Variants in SDK2 observed in about 807,000 individuals in gnomAD.
The protein encoded by SDK2 is protein sidekick-2.
A neutral mutation model predicts 253.9 loss-of-function variants in SDK2; 105 were observed. That is an observed-to-expected ratio of 0.41 (90% confidence interval 0.35 to 0.49). SDK2 has a LOEUF of 0.49. SDK2 is among the 20% of genes least tolerant of loss of function. The pLI is 0.06. For synonymous variants in SDK2, 1,249 were observed against 1,234.9 expected (o/e 1.01, Z -0.24); for missense variants, 2,608 against 3,003.0 (o/e 0.87, Z 3.07).
intron 15 of SDK2, 96 bp downstream of exon 15, chr17:73,422,191 G>T: frequency 7.2e-7 from 1 of 1,397,246 alleles, no homozygotes; most frequent in Non-Finnish European, 9.8e-7. Context: ...GAGGGGGCCA[G>T]GAGGAGCTGA....
intron 1 of SDK2, among the ~76,000 whole-genome samples, chr17:73,571,616 C>T (rs1292514183): frequency 1.3e-5 from 2 of 152,238 alleles, no homozygotes; most frequent in Non-Finnish European, 2.9e-5. Context: ...CAGCTCTCCA[C>T]AGCACTCATT....
At chr17:73,607,601 G>T (rs1444119337) in intron 1 of SDK2, among the ~76,000 whole-genome samples, 2 of 152,152 alleles carry the variant, frequency 1.3e-5, no homozygotes, top group Non-Finnish European at 2.9e-5. Context: ...CCCCACTGAG[G>T]AGGTGACACT....
chr17:73,570,585 C>A lies in SDK2; in HGVS notation c.65-62988G>T, dbSNP rs2045371052. On this transcript the variant is annotated intron_variant, in intron 1 of 44. Transcript: ENST00000392650. This position sits in a 1 kb window ranked among gnomAD's most constrained non-coding sequence, Gnocchi z 4.2. ...GTTGCCACCTTCCACTGAGCGCTGACTACCCGTGAGGCACTGAACACCACC... is the reference window on the plus strand; with the variant it reads ...GTTGCCACCTTCCACTGAGCGCTGAATACCCGTGAGGCACTGAACACCACC... Among the ~76,000 whole-genome samples the A allele has an allele frequency of 6.6e-6, 1 of 152,218 alleles. No homozygotes were observed. The highest frequency in any genetic ancestry group is 1.5e-5 in the Non-Finnish European group (1 of 68,044).
At position 73,334,600 on chromosome 17, in the gene SDK2, C is replaced by A. The variant is rs1169159141; in HGVS notation, c.*3987G>T. 2.6e-5 allele frequency: 4 copies of A among 152,058 alleles called. No individual in the cohort carries two copies. The highest frequency in any genetic ancestry group is 6.6e-5 in the Admixed American group (1 of 15,262). The allele number at this position is 152,058 out of a possible 1,614,324, so 9.4% of individuals were successfully genotyped here. ...TAATTTTTTGTTATATCTTTTAAAT[C>A]AAAAAATAAAGATTTGTGTTGATTT... On this transcript the variant is annotated 3_prime_UTR_variant, in exon 45 of 45. Coordinates refer to ENST00000392650, the MANE Select transcript of SDK2 (RefSeq NM_001144952.2).
chr17:73,393,242 C>CAAAA (rs11443969), intron 27 of SDK2, among the ~76,000 whole-genome samples: 10 of 85,498 alleles, frequency 1.2e-4, no homozygotes, highest in East Asian at 3.5e-4. Context: ...GATACTCTAT[C>CAAAA]AAAAAAAAAA....
chr17:73,472,281 T>C (rs925633600), intron 2 of SDK2, 63 bp from the exon 3 acceptor site: 40 of 1,281,028 alleles, frequency 3.1e-5, no homozygotes, highest in Admixed American at 7.9e-5. Context: ...AGAGGTCAGA[T>C]TGGGCTCAGA....
chr17:73,455,660 T>C lies in SDK2; in HGVS notation c.479+246A>G, dbSNP rs1325269970. 6.6e-6 allele frequency among the ~76,000 whole-genome samples: 1 copy of C among 152,160 alleles called. No homozygotes were observed. The highest frequency in any genetic ancestry group is 2.4e-5 in the African/African-American group (1 of 41,452). On this transcript the variant is annotated intron_variant, in intron 4 of 44. Coordinates refer to ENST00000392650, the MANE Select transcript of SDK2 (RefSeq NM_001144952.2). The surrounding 1 kb of genome is among the most constrained non-coding windows in gnomAD (Gnocchi z 5.0). ...AAAAGCAGATTTATTCTCCAGCTGATGGTGGAGGCAACGCCCTGGGATTCC... is the reference window on the plus strand; with the variant it reads ...AAAAGCAGATTTATTCTCCAGCTGACGGTGGAGGCAACGCCCTGGGATTCC...
At chr17:73,494,971 C>T (rs2063831912) in intron 2 of SDK2, among the ~76,000 whole-genome samples, 2 of 152,230 alleles carry the variant, frequency 1.3e-5, no homozygotes, top group African/African-American at 4.8e-5. Context: ...TCAGAGGAGG[C>T]GGGAGTGAAT....
chr17:73,613,222 G>C (rs922463319), intron 1 of SDK2, among the ~76,000 whole-genome samples: 1 of 152,132 alleles, frequency 6.6e-6, no homozygotes, highest in African/African-American at 2.4e-5. Context: ...ATAATCCTGT[G>C]GCTGGGCAGG....
intron 30 of SDK2, 80 bp from the exon 31 acceptor site, chr17:73,386,628 G>T: frequency 1.0e-6 from 1 of 959,924 alleles, no homozygotes; most frequent in Non-Finnish European, 1.6e-6. Flanking sequence ...GAGTCTCCCT[G>T]ATCTGGCCCT....
intron 1 of SDK2, among the ~76,000 whole-genome samples, chr17:73,589,405 A>G (rs1440095121): frequency 6.6e-6 from 1 of 152,246 alleles, no homozygotes. Context: ...GGTGTGGGGC[A>G]GATTTGCAGA....
intron 2 of SDK2, among the ~76,000 whole-genome samples, chr17:73,477,282 G>C (rs576546612): frequency 6.6e-6 from 1 of 152,098 alleles, no homozygotes. Context: ...AGCCCAGCAG[G>C]AGACTGGCTG....
chr17:73,572,412 C>T (rs1278914082), intron 1 of SDK2, among the ~76,000 whole-genome samples: 2 of 152,078 alleles, frequency 1.3e-5, no homozygotes, highest in Non-Finnish European at 2.9e-5. Flanking sequence ...GCTCCGACCC[C>T]TCTTCCTAGC....
chr17:73,479,074 T>A (rs890761254), intron 2 of SDK2, among the ~76,000 whole-genome samples: 3 of 152,276 alleles, frequency 2.0e-5, no homozygotes, highest in African/African-American at 7.2e-5. Flanking sequence ...CATACATTTG[T>A]GCACACACAT....
chr17:73,575,499 T>C (rs1567851761), intron 1 of SDK2, among the ~76,000 whole-genome samples: 1 of 152,148 alleles, frequency 6.6e-6, no homozygotes, highest in African/African-American at 2.4e-5. Context: ...GGTAGACTCA[T>C]TTGGGGCTGA....
chr17:73,397,470 C>T (rs910417551), intron 24 of SDK2, among the ~76,000 whole-genome samples: 2 of 152,206 alleles, frequency 1.3e-5, no homozygotes, highest in African/African-American at 4.8e-5. Context: ...CTCTTCTGCC[C>T]CGGTTTCCTC....
At chr17:73,349,869 G>T (rs529772475) in intron 43 of SDK2, among the ~76,000 whole-genome samples, 1 of 152,166 alleles carries the variant, frequency 6.6e-6, no homozygotes, top group African/African-American at 2.4e-5. Flanking sequence ...GGCCAGTGAC[G>T]ATCTGCAGGG....
chr17:73,455,931 G>A lies in SDK2; in HGVS notation c.454C>T (p.Arg152Cys). ...QPQVTWFRDG[R>C]KIPPSSRIAI... ...ATGCGGCTGCTGGGCGGGATCTTGC[G>A]GCCGTCCCGGAACCAGGTCACCTGT... Residue 152 changes from arginine (R) to cysteine (C), a missense_variant, in exon 4 of 45, where the codon CGC becomes TGC. This residue lies in a region of SDK2 where 1,505 missense variants were observed against 1,859.1 expected (regional missense o/e 0.81). Coordinates refer to ENST00000392650, the MANE Select transcript of SDK2 (RefSeq NM_001144952.2). The surrounding 1 kb of genome is among the most constrained non-coding windows in gnomAD (Gnocchi z 5.0). 1 of 1,545,234 alleles carries A rather than the reference G, an allele frequency of 6.5e-7. No individual in the cohort carries two copies. The highest frequency in any genetic ancestry group is 8.7e-7 in the Non-Finnish European group (1 of 1,146,196).
chr17:73,391,901 T>A (rs530014085), intron 27 of SDK2, among the ~76,000 whole-genome samples: 1 of 152,114 alleles, frequency 6.6e-6, no homozygotes, highest in Non-Finnish European at 1.5e-5. Context: ...CTTCCACCCA[T>A]GGGGTGAAGT....
Sources: allele counts gnomAD v4.1 joint callset (sites outside exome capture counted in the v4.1 genomes callset), GRCh38; gene constraint gnomAD v4.1.1; regional missense constraint gnomAD v4.1.1; non-coding constraint Gnocchi (gnomAD v3.1); transcripts MANE v1.5; gene names NCBI Gene and HGNC (gene_info 2026-07-23, HGNC 2026-07-21).